SPOCK1: variants seen among roughly 807,000 people sequenced by gnomAD.
The protein encoded by SPOCK1 is SPARC (osteonectin), cwcv and kazal like domains proteoglycan 1, also known as testican-1.
A neutral mutation model predicts 55.3 loss-of-function variants in SPOCK1; 23 were observed. The observed-to-expected ratio is 0.42, with a 90% CI of 0.30 to 0.59. The LOEUF is 0.59. Among genes scored for constraint, SPOCK1 ranks in the 20% least tolerant of loss-of-function variants. The probability of loss-of-function intolerance (pLI) is 0.22; values close to 1 mark genes in which losing one functional copy is unlikely to be tolerated. For missense variants in SPOCK1, 499 were observed against 552.5 expected, an observed-to-expected ratio of 0.90 and a Z score of 0.97; for synonymous variants, 226 against 221.0, an observed-to-expected ratio of 1.02 and a Z score of -0.20.
At chr5:137,128,492 A>G (rs1340361542) in intron 4 of SPOCK1, among the ~76,000 whole-genome samples, 4 of 152,244 alleles carry the variant, frequency 2.6e-5, no homozygotes, top group African/African-American at 4.8e-5. Context: ...AGTGCCTACT[A>G]TGTACTGGTA....
intron 6 of SPOCK1, among the ~76,000 whole-genome samples, chr5:136,998,199 G>A (rs954742961): frequency 1.3e-5 from 2 of 152,164 alleles, no homozygotes; most frequent in African/African-American, 4.8e-5. Context: ...CTGAGGAGAT[G>A]CTTGTGATAT....
At chr5:137,362,330 CTT>C (rs745634969) in intron 2 of SPOCK1, among the ~76,000 whole-genome samples, 36 of 136,536 alleles carry the variant, frequency 2.6e-4, no homozygotes, top group Non-Finnish European at 2.5e-4. Flanking sequence ...CGTCAGCAAC[CTT>C]TTTTTTTTTT....
intron 2 of SPOCK1, among the ~76,000 whole-genome samples, chr5:137,352,395 G>C (rs945127276): frequency 6.6e-6 from 1 of 152,242 alleles, no homozygotes; most frequent in Admixed American, 6.5e-5. Flanking sequence ...GGCACACCGT[G>C]CCTCACCTCA....
At chr5:137,149,527 A>G (rs1007854244) in intron 3 of SPOCK1, among the ~76,000 whole-genome samples, 6 of 152,250 alleles carry the variant, frequency 3.9e-5, no homozygotes, top group Middle Eastern at 3.2e-3. Flanking sequence ...AAAGCATAGT[A>G]AAAATCAAAT....
intron 4 of SPOCK1, among the ~76,000 whole-genome samples, chr5:137,139,409 C>T (rs1287470138): frequency 6.6e-6 from 1 of 152,074 alleles, no homozygotes; most frequent in African/African-American, 2.4e-5. Flanking sequence ...TCAGAGGAAA[C>T]CATTTACAGG....
chr5:137,248,658 C>G (rs556337403), intron 3 of SPOCK1, among the ~76,000 whole-genome samples: 7 of 152,284 alleles, frequency 4.6e-5, no homozygotes, highest in African/African-American at 1.7e-4. Context: ...CCTCAGTTTC[C>G]GCATCCGCAC....
intron 5 of SPOCK1, among the ~76,000 whole-genome samples, chr5:137,094,394 A>G (rs1291745146): frequency 2.0e-5 from 3 of 152,228 alleles, no homozygotes; most frequent in Non-Finnish European, 4.4e-5. Flanking sequence ...CTTCAGAAGT[A>G]TTGTGGGTTC....
At chr5:137,203,741 C>T (rs562658017) in intron 3 of SPOCK1, among the ~76,000 whole-genome samples, 4 of 152,224 alleles carry the variant, frequency 2.6e-5, no homozygotes, top group African/African-American at 9.6e-5. Context: ...TTGCTTTATC[C>T]GGCTTACAAC....
At chr5:137,417,332 C>CTTTTTTTT (rs35711384) in intron 2 of SPOCK1, among the ~76,000 whole-genome samples, 4 of 117,884 alleles carry the variant, frequency 3.4e-5, no homozygotes, top group Admixed American at 8.4e-5. Context: ...TAACCCATTT[C>CTTTTTTTT]TTTTTTTTTT....
chr5:137,074,994 C>T (rs947911169), intron 5 of SPOCK1, among the ~76,000 whole-genome samples: 11 of 152,042 alleles, frequency 7.2e-5, no homozygotes, highest in Non-Finnish European at 4.4e-5. Context: ...TGAGTCACCG[C>T]GCCCGACCTA....
At chr5:137,302,360 G>A (rs893585363) in intron 2 of SPOCK1, among the ~76,000 whole-genome samples, 4 of 150,870 alleles carry the variant, frequency 2.7e-5, no homozygotes, top group Admixed American at 2.6e-4. Flanking sequence ...ACAAGGTCAG[G>A]AGATTGAGAC....
chr5:137,218,259 C>G (rs1196473425), intron 3 of SPOCK1, among the ~76,000 whole-genome samples: 1 of 152,210 alleles, frequency 6.6e-6, no homozygotes, highest in Non-Finnish European at 1.5e-5. Flanking sequence ...GACTTTCGGT[C>G]TAATGGGTTG....
chr5:137,220,532 C>T (rs1755827347), intron 3 of SPOCK1, among the ~76,000 whole-genome samples: 1 of 152,202 alleles, frequency 6.6e-6, no homozygotes, highest in African/African-American at 2.4e-5. Context: ...GAGGAACAAA[C>T]CACATCACAT....
At chr5:137,282,922 T>C (rs1207349170) in intron 2 of SPOCK1, among the ~76,000 whole-genome samples, 1 of 152,200 alleles carries the variant, frequency 6.6e-6, no homozygotes, top group African/African-American at 2.4e-5. Flanking sequence ...TGCCAAGAAC[T>C]GACTGCAGAT....
chr5:137,411,979 C>T (rs1245662871), intron 2 of SPOCK1, among the ~76,000 whole-genome samples: 1 of 152,078 alleles, frequency 6.6e-6, no homozygotes. Context: ...GCAGCCAAGG[C>T]GAAAGAAGAA....
At chr5:137,489,278 C>T (rs976109952) in intron 2 of SPOCK1, among the ~76,000 whole-genome samples, 3 of 152,130 alleles carry the variant, frequency 2.0e-5, no homozygotes, top group African/African-American at 4.8e-5. Context: ...CATCTTTAGC[C>T]TCAAAGTGAC....
chr5:137,139,715 T>C (rs1248481195), intron 4 of SPOCK1, among the ~76,000 whole-genome samples: 1 of 152,098 alleles, frequency 6.6e-6, no homozygotes, highest in Non-Finnish European at 1.5e-5. Context: ...GCGACACCTC[T>C]CAATTGTACA....
At chr5:137,488,639 C>T (rs1015499767) in intron 2 of SPOCK1, among the ~76,000 whole-genome samples, 2 of 152,130 alleles carry the variant, frequency 1.3e-5, no homozygotes, top group African/African-American at 4.8e-5. Flanking sequence ...GCGGGACAGA[C>T]GAGTACAGCT....
At chr5:137,134,363 T>G (rs1753941827) in intron 4 of SPOCK1, among the ~76,000 whole-genome samples, 1 of 152,166 alleles carries the variant, frequency 6.6e-6, no homozygotes, top group Non-Finnish European at 1.5e-5. Context: ...GTGATGATGT[T>G]TCTGTTTACA....
Sources: gnomAD v4.1 joint callset for allele counts (sites outside exome capture counted in the v4.1 genomes callset) on GRCh38, gnomAD v4.1.1 for gene constraint, MANE v1.5 for transcripts, NCBI Gene and HGNC (gene_info 2026-07-23, HGNC 2026-07-21) for gene names.